TENM4: variants seen among roughly 807,000 people sequenced by gnomAD.
TENM4 encodes the protein teneurin-4.
Under a neutral mutation model 243.3 loss-of-function variants are expected in TENM4, and 82 were observed. That is an observed-to-expected ratio of 0.34 (90% CI 0.28 to 0.40). TENM4 has a LOEUF of 0.40. Ranked by LOEUF, TENM4 falls within the 10% of genes least tolerant of loss-of-function variation. TENM4 has a pLI of 1.00. For synonymous variants in TENM4, 1,412 were observed against 1,456.3 expected, an observed-to-expected ratio of 0.97 and a Z score of 0.69; for missense variants, 3,138 against 3,673.3, an observed-to-expected ratio of 0.85 and a Z score of 3.77.
At chr11:78,862,004 G>A (rs1858833218) in intron 10 of TENM4, among the ~76,000 whole-genome samples, 1 of 152,130 alleles carries the variant, frequency 6.6e-6, no homozygotes, top group Non-Finnish European at 1.5e-5. Context: ...AATGTCCATG[G>A]CATGTTAGAA....
At chr11:78,690,595 G>T (rs1858795736) in intron 28 of TENM4, among the ~76,000 whole-genome samples, 1 of 152,170 alleles carries the variant, frequency 6.6e-6, no homozygotes, top group South Asian at 2.1e-4. Flanking sequence ...CTGTGCATAG[G>T]AGTCTCACTT....
chr11:79,197,578 C>T (rs1316128449), intron 3 of TENM4, among the ~76,000 whole-genome samples: 1 of 152,140 alleles, frequency 6.6e-6, no homozygotes, highest in East Asian at 1.9e-4. Context: ...AGCAAACTTC[C>T]CACCTAATCC....
chr11:78,711,156 G>C (rs1018649585), intron 26 of TENM4, among the ~76,000 whole-genome samples: 3 of 152,106 alleles, frequency 2.0e-5, no homozygotes, highest in African/African-American at 7.2e-5. Flanking sequence ...AATTAGGCGG[G>C]ATTAGCCTTT....
intron 6 of TENM4, among the ~76,000 whole-genome samples, chr11:78,941,596 C>A (rs1463263827): frequency 7.2e-6 from 1 of 138,936 alleles, no homozygotes; most frequent in Admixed American, 7.2e-5. Flanking sequence ...GGCGCCGGGG[C>A]GGGGTGGGGT....
chr11:79,116,873 A>G (rs945382987), intron 4 of TENM4, among the ~76,000 whole-genome samples: 6 of 152,204 alleles, frequency 3.9e-5, no homozygotes, highest in African/African-American at 1.4e-4. Flanking sequence ...GGCTTTTTAA[A>G]GAGAAATGGG....
At chr11:79,050,013 T>A (rs1020542730) in intron 6 of TENM4, among the ~76,000 whole-genome samples, 4 of 152,194 alleles carry the variant, frequency 2.6e-5, no homozygotes, top group Admixed American at 2.6e-4. Context: ...TGTAAATGCT[T>A]TTAGTGACTT....
rs1335315128 is a variant in TENM4 at position 78,978,636 on chromosome 11, G to A, written c.494-75113C>T. Among the ~76,000 whole-genome samples the A allele has an allele frequency of 2.6e-5, 4 of 152,218 alleles. No homozygotes were observed. In the East Asian group the frequency reaches 5.8e-4, roughly 22 times the overall value. On this transcript the variant is annotated intron_variant, in intron 6 of 33. Coordinates refer to ENST00000278550, the MANE Select transcript of TENM4 (RefSeq NM_001098816.3). Reference sequence around the variant, plus strand: ...GGGGAAGTGGACACCAGGACGGAACGAGAAATCAACTAATAAGAAGGCTGG... The same window carrying A: ...GGGGAAGTGGACACCAGGACGGAACAAGAAATCAACTAATAAGAAGGCTGG...
intron 4 of TENM4, among the ~76,000 whole-genome samples, chr11:79,077,525 A>C (rs1297532458): frequency 6.6e-6 from 1 of 152,234 alleles, no homozygotes; most frequent in South Asian, 2.1e-4. Context: ...CTAAAACAAA[A>C]ATTTCATGAA....
chr11:78,854,250 C>T lies in TENM4; in HGVS notation c.1535G>A (p.Gly512Glu), dbSNP rs1433635372. 6.5e-7 allele frequency: 1 copy of T among 1,547,504 alleles called. No homozygotes were observed. Among genetic ancestry groups the T allele is most frequent in the Non-Finnish European group, 8.7e-7 (1 of 1,144,550 alleles). Reference protein sequence around the residue: ...LLTQEARSLEGTPRQSRGTVP... With the variant: ...LLTQEARSLEETPRQSRGTVP... ...AGTTCCCCGAGACTGGCGCGGGGTC[C>T]CCTCTAGGCTCCGCGCCTCCTGGGT... Residue 512 changes from glycine to glutamate, a missense_variant, in exon 12 of 34, where the codon GGG becomes GAG. Coordinates refer to ENST00000278550, the MANE Select transcript of TENM4 (RefSeq NM_001098816.3).
intron 6 of TENM4, among the ~76,000 whole-genome samples, chr11:78,995,293 T>C (rs773934393): frequency 1.8e-4 from 28 of 152,164 alleles, no homozygotes; most frequent in Non-Finnish European, 3.4e-4. Flanking sequence ...TAAAGGGGTT[T>C]GCATGCCATG....
intron 1 of TENM4, among the ~76,000 whole-genome samples, chr11:79,409,989 G>A (rs1257536054): frequency 6.6e-6 from 1 of 152,194 alleles, no homozygotes; most frequent in Non-Finnish European, 1.5e-5. Flanking sequence ...CACACTGGAA[G>A]AAGAACTGTC....
chr11:79,265,623 A>G (rs1398142983), intron 2 of TENM4, among the ~76,000 whole-genome samples: 1 of 152,100 alleles, frequency 6.6e-6, no homozygotes, highest in East Asian at 1.9e-4. Context: ...GCTCTGAGCC[A>G]TTTTGCTTTC....
intron 1 of TENM4, among the ~76,000 whole-genome samples, chr11:79,335,987 T>C (rs372730910): frequency 6.6e-6 from 1 of 152,146 alleles, no homozygotes; most frequent in East Asian, 1.9e-4. Context: ...TGATTCCCTG[T>C]CTAAGCTCCC....
At chr11:78,668,062 G>T (rs1016386720) in intron 32 of TENM4, among the ~76,000 whole-genome samples, 1 of 152,110 alleles carries the variant, frequency 6.6e-6, no homozygotes, top group Admixed American at 6.5e-5. Context: ...TTCAAGTTAG[G>T]GGGTAAAGGA....
chr11:79,380,957 G>A (rs1857989154), intron 1 of TENM4, among the ~76,000 whole-genome samples: 2 of 152,140 alleles, frequency 1.3e-5, no homozygotes, highest in South Asian at 4.2e-4. Flanking sequence ...TGGTGAGAAT[G>A]AGAATAACTT....
At chr11:78,824,695 G>T (rs1208648116) in intron 12 of TENM4, among the ~76,000 whole-genome samples, 1 of 70 alleles carries the variant, frequency 0.014, no homozygotes, top group Non-Finnish European at 0.029. Flanking sequence ...TAGAGATGGG[G>T]TTTCACCAAT....
chr11:78,720,334 G>C, intron 25 of TENM4, 36 bp downstream of exon 25: 1 of 1,612,924 alleles, frequency 6.2e-7, no homozygotes, highest in Non-Finnish European at 8.5e-7. Flanking sequence ...CAACAAGGCA[G>C]GGGTGAGGCA....
rs188983371 is a variant in TENM4, at chr11:79,142,464, A to G, written c.-66+6246T>C. The stretch of plus-strand genomic sequence containing the variant: ...ATCTCTACAATGAAAACTGTAAAAC[A>G]TTGACAAGAAATTGAAGAGGACACC... On this transcript the variant is annotated intron_variant, in intron 4 of 33. Coordinates refer to ENST00000278550, the MANE Select transcript of TENM4 (RefSeq NM_001098816.3). 4.4e-4 allele frequency among the ~76,000 whole-genome samples: 67 copies of G among 152,220 alleles called. No individual in the cohort carries two copies. In the East Asian group the frequency reaches 6.8e-3, roughly 15 times the overall value.
intron 4 of TENM4, among the ~76,000 whole-genome samples, chr11:79,138,724 A>G (rs1160076568): frequency 1.2e-3 from 129 of 111,726 alleles, no homozygotes; most frequent in Non-Finnish European, 1.8e-3. Flanking sequence ...CATACATTAT[A>G]TTTATATAAA....
Sources: allele counts gnomAD v4.1 joint callset (sites outside exome capture counted in the v4.1 genomes callset), GRCh38; gene constraint gnomAD v4.1.1; transcripts MANE v1.5; gene names NCBI Gene and HGNC (gene_info 2026-07-23, HGNC 2026-07-21).